Variants in RPL13 observed in about 807,000 individuals in gnomAD.
RPL13 encodes the protein ribosomal protein L13.
RPL13 carries 1 observed loss-of-function variant against 21.4 expected under a neutral mutation model. The observed-to-expected ratio is 0.05, with a 90% confidence interval of 0.02 to 0.22. The LOEUF (loss-of-function observed/expected upper bound fraction) is 0.22, where lower values mean the gene tolerates loss of function less well. RPL13 is among the 10% of genes least tolerant of loss of function. The pLI, the probability that RPL13 is intolerant of heterozygous loss-of-function variation, is 1.00. For missense variants in RPL13, 289 were observed against 303.0 expected (o/e 0.95, Z 0.34); for synonymous variants, 143 against 120.5 (o/e 1.19, Z -1.23).
At chr16:89,562,251 C>G (rs895955729) in intron 4 of RPL13, 84 bp from the exon 5 acceptor site, 1 of 1,332,014 alleles carries the variant, frequency 7.5e-7, no homozygotes, top group Non-Finnish European at 1.1e-6. Flanking sequence ...ACGGAATCCC[C>G]AGGGGAAAGT....
rs1290558182 is a variant in RPL13 at position 89,563,817 on chromosome 16, C to T, written c.*775C>T. The stretch of plus-strand genomic sequence containing the variant: ...TTCTTAAGCTTGTTGTGCCCGGTAA[C>T]CATGGTCCTCTTGCTCTGATTAACC... On this transcript the variant is annotated 3_prime_UTR_variant, in exon 6 of 6. Coordinates refer to ENST00000311528, the MANE Select transcript of RPL13 (RefSeq NM_000977.4). 1 of 152,228 alleles carries T rather than the reference C, an allele frequency of 6.6e-6. No homozygotes were observed. Among genetic ancestry groups the T allele is most frequent in the African/African-American group, 2.4e-5 (1 of 41,442 alleles). 9.4% of individuals were successfully genotyped at this position (152,228 alleles called of 1,614,324 possible).
rs1309271251 is a variant in RPL13 at position 89,563,676 on chromosome 16, C to G, written c.*634C>G. On this transcript the variant is annotated 3_prime_UTR_variant, in exon 6 of 6. Coordinates refer to ENST00000311528, the MANE Select transcript of RPL13 (RefSeq NM_000977.4). ...AACTCATGGCCTCAAGCAGTCCTCC[C>G]TCAGCCTCCCAAGTAGAGGGGTTTA... The G allele has an allele frequency of 2.0e-5, 3 of 152,242 alleles. No individual in the cohort carries two copies. Among genetic ancestry groups the G allele is most frequent in the African/African-American group, 7.2e-5 (3 of 41,454 alleles). 9.4% of individuals were successfully genotyped at this position (152,242 alleles called of 1,614,324 possible).
Position 89,560,942 on chromosome 16 carries a change from G to T in RPL13, c.-18G>T, listed in dbSNP as rs761128391. 7 of 1,593,028 alleles carry T rather than the reference G, an allele frequency of 4.4e-6. 1 individual carries two copies. In the South Asian group the frequency reaches 5.7e-5, roughly 13 times the overall value. On this transcript the variant is annotated splice_region_variant and 5_prime_UTR_variant, in exon 2 of 6. Transcript: ENST00000311528. Reference sequence around the variant, plus strand: ...ACTCGCTCCCCTCTCGTCCGCAGCCGCAGGGCCGTAGGCAGCCATGGCGCC... The same window carrying T: ...ACTCGCTCCCCTCTCGTCCGCAGCCTCAGGGCCGTAGGCAGCCATGGCGCC...
chr16:89,560,677 G>T (rs1047326020), upstream of RPL13: 2 of 362,646 alleles, frequency 5.5e-6, no homozygotes, highest in East Asian at 1.0e-4. Flanking sequence ...TTGCGGGGCC[G>T]CTTCCTTTCC....
Position 89,563,057 on chromosome 16 carries a change from C to A in RPL13, c.*15C>A, listed in dbSNP as rs752109086. On this transcript the variant is annotated 3_prime_UTR_variant, in exon 6 of 6. Transcript: ENST00000311528. ...AGAAAAAATAAAGCCCTCCTGGGGA[C>A]TTGGAATCAGTCGGCAGTCATGCTG... The A allele has an allele frequency of 4.0e-6, 6 of 1,492,138 alleles. No individual in the cohort carries two copies. In the South Asian group the frequency reaches 8.0e-5, roughly 20 times the overall value. 92.4% of individuals were successfully genotyped at this position (1,492,138 alleles called of 1,614,324 possible). A position where few individuals can be genotyped will look rare whatever the true frequency, so the allele number is the denominator to read the frequency against.
chr16:89,561,998 AT>A, intron 4 of RPL13: 1 of 591,274 alleles, frequency 1.7e-6, no homozygotes, highest in Non-Finnish European at 3.0e-6. Context: ...AATGCTTCGT[AT>A]TCCAAAATAT....
intron 1 of RPL13, 23 bp downstream of exon 1, chr16:89,560,735 C>T (rs899987873): frequency 2.0e-5 from 10 of 506,162 alleles, no homozygotes; most frequent in African/African-American, 4.1e-5. Flanking sequence ...GGGTCCTGGC[C>T]TTTGGGCATC....
In RPL13 at chr16:89,560,937, C is replaced by T. The variant is rs373733346; in HGVS notation, c.-20-3C>T. On this transcript the variant is annotated splice_polypyrimidine_tract_variant and splice_region_variant and intron_variant, in intron 1 of 5. Transcript: ENST00000311528. ...CTCTCACTCGCTCCCCTCTCGTCCG[C>T]AGCCGCAGGGCCGTAGGCAGCCATG... The T allele has an allele frequency of 2.5e-5, 40 of 1,588,340 alleles. 1 individual carries two copies. The South Asian group carries it at 2.7e-4, about 11-fold the overall frequency.
chr16:89,563,097 G>A lies in RPL13; in HGVS notation c.*55G>A. ...CAGTCATGCTGGGTCTCCACGTGGT[G>A]TGTTTCGTGGGAACAACTGGGCCTG... On this transcript the variant is annotated 3_prime_UTR_variant, in exon 6 of 6. Coordinates refer to ENST00000311528, the MANE Select transcript of RPL13 (RefSeq NM_000977.4). The A allele has an allele frequency of 7.1e-7, 1 of 1,404,734 alleles. No homozygotes were observed. The highest frequency in any genetic ancestry group is 9.3e-7 in the Non-Finnish European group (1 of 1,070,360). 87.0% of individuals were successfully genotyped at this position (1,404,734 alleles called of 1,614,324 possible).
rs2058746074 is a variant in RPL13 at position 89,561,670 on chromosome 16, C to T, written c.339C>T (p.Asn113=). 6.2e-7 allele frequency: 1 copy of T among 1,613,914 alleles called. No homozygotes were observed. The highest frequency in any genetic ancestry group is 8.5e-7 in the Non-Finnish European group (1 of 1,180,040). The stretch of plus-strand genomic sequence containing the variant: ...AGTCCACGGAGTCCCTGCAGGCCAA[C>T]GTGCAGCGGCTGAAGGAGTACCGCT... The part of the protein sequence containing the change: ...RNKSTESLQA[N]VQRLKEYRSK... Residue 113 remains asparagine (N), a synonymous_variant, in exon 4 of 6, where the codon AAC becomes AAT. Coordinates refer to ENST00000311528, the MANE Select transcript of RPL13 (RefSeq NM_000977.4).
intron 3 of RPL13, 99 bp from the exon 4 acceptor site, chr16:89,561,479 T>C (rs747875119): frequency 1.2e-6 from 2 of 1,612,040 alleles, no homozygotes; most frequent in South Asian, 1.1e-5. Flanking sequence ...TGAAAGCACA[T>C]TTGAACCCTT....
At chr16:89,565,324 C>G (rs2058779039), downstream of RPL13, 2 of 143,256 alleles carry the variant, frequency 1.4e-5, no homozygotes, top group Admixed American at 1.4e-4. Flanking sequence ...TGCCTGCTGC[C>G]TGCTGCTCCC....
chr16:89,561,558 T>A lies in RPL13; in HGVS notation c.247-20T>A. On this transcript the variant is annotated intron_variant, in intron 3 of 5. Transcript: ENST00000311528. ...GAGAAAGCCCGGGCCTGTCTCCATCTCTCTCTGGTTCTGGGGCAGGTGGCC... is the reference window on the plus strand; with the variant it reads ...GAGAAAGCCCGGGCCTGTCTCCATCACTCTCTGGTTCTGGGGCAGGTGGCC... 6.2e-7 allele frequency: 1 copy of A among 1,613,272 alleles called. No individual in the cohort carries two copies. Among genetic ancestry groups the A allele is most frequent in the Admixed American group, 1.7e-5 (1 of 60,010 alleles).
chr16:89,562,782 C>T (rs1044332281), intron 5 of RPL13, 102 bp from the exon 6 acceptor site: 38 of 1,270,354 alleles, frequency 3.0e-5, no homozygotes, highest in Non-Finnish European at 4.0e-5. Flanking sequence ...GGCAGCGAAC[C>T]TGACCCCCAA....
intron 2 of RPL13, 50 bp downstream of exon 2, chr16:89,561,113 C>T: frequency 1.3e-6 from 2 of 1,556,122 alleles, no homozygotes; most frequent in East Asian, 2.4e-5. Context: ...CGCGGCTGCG[C>T]CTTGGCTTGC....
rs779407112 is a variant in RPL13 at position 89,561,424 on chromosome 16, C to T, written c.246+56C>T. On this transcript the variant is annotated intron_variant, in intron 3 of 5. Transcript: ENST00000311528. ...AGGCCCCGAAGTCCCCTCTGTTGGC[C>T]TCAGTCGCGTGATGACATTCTCCGG... 6.8e-6 allele frequency: 11 copies of T among 1,612,464 alleles called. No homozygotes were observed. The African/African-American group carries it at 8.0e-5, about 12-fold the overall frequency.
chr16:89,561,492 C>G, intron 3 of RPL13, 86 bp from the exon 4 acceptor site: 1 of 1,612,238 alleles, frequency 6.2e-7, no homozygotes, highest in African/African-American at 1.3e-5. Context: ...GAACCCTTTT[C>G]CATCTGATTG....
In RPL13 at chr16:89,560,707, C is replaced by T. The variant is rs967399772; in HGVS notation, c.-26C>T. 1 of 430,262 alleles carries T rather than the reference C, an allele frequency of 2.3e-6. No homozygotes were observed. Among genetic ancestry groups the T allele is most frequent in the East Asian group, 4.0e-5 (1 of 24,846 alleles). 26.7% of individuals were successfully genotyped at this position (430,262 alleles called of 1,614,324 possible). A position where few individuals can be genotyped will look rare whatever the true frequency, so the allele number is the denominator to read the frequency against. On this transcript the variant is annotated 5_prime_UTR_variant, in exon 1 of 6. Coordinates refer to ENST00000311528, the MANE Select transcript of RPL13 (RefSeq NM_000977.4). ...CTTTCCGCTCGGCTGTTTTCCTGCG[C>T]AGGAGGTGAGGGAGACTGGGTCCTG... is the stretch of plus-strand genomic sequence containing the variant.
At chr16:89,560,831 G>A in intron 1 of RPL13, 109 bp from the exon 2 acceptor site, 1 of 673,268 alleles carries the variant, frequency 1.5e-6, no homozygotes, top group Non-Finnish European at 2.4e-6. Context: ...GCCGCTGCCC[G>A]GGCTCTAGGC....
Sources: allele counts gnomAD v4.1 joint callset, GRCh38; gene constraint gnomAD v4.1.1; transcripts MANE v1.5; gene names NCBI Gene and HGNC (gene_info 2026-07-23, HGNC 2026-07-21).